Variants in ATP1B3 observed in about 807,000 individuals in gnomAD.
ATP1B3 encodes the protein ATPase Na+/K+ transporting subunit beta 3.
Under a neutral mutation model 30.2 loss-of-function variants are expected in ATP1B3, and 10 were observed. The observed-to-expected ratio is 0.33, with a 90% CI of 0.20 to 0.56. The LOEUF (loss-of-function observed/expected upper bound fraction) is 0.56. ATP1B3 is among the 20% of genes least tolerant of loss of function. The pLI is 0.90. For synonymous variants in ATP1B3, 113 were observed against 117.0 expected (o/e 0.97, Z 0.22); for missense variants, 238 against 336.7 (o/e 0.71, Z 2.29).
chr3:141,879,684 CAGG>C (rs981443985), intron 1 of ATP1B3, among the ~76,000 whole-genome samples: 33 of 149,472 alleles, frequency 2.2e-4, no homozygotes, highest in African/African-American at 8.2e-4. Context: ...GAGGCTGAGG[CAGG>C]AGAATTGCAT....
chr3:141,896,033 G>A (rs773400793), intron 1 of ATP1B3, among the ~76,000 whole-genome samples: 39 of 152,082 alleles, frequency 2.6e-4, no homozygotes, highest in Non-Finnish European at 5.3e-4. Flanking sequence ...TGAAGTTTCG[G>A]TTCAGATCTT....
intron 1 of ATP1B3, among the ~76,000 whole-genome samples, chr3:141,898,113 G>T (rs1223115562): frequency 6.6e-6 from 1 of 152,110 alleles, no homozygotes; most frequent in Admixed American, 6.6e-5. Flanking sequence ...AACTCAAAAT[G>T]GATCAAAGAC....
chr3:141,885,868 C>G (rs888438562), intron 1 of ATP1B3, among the ~76,000 whole-genome samples: 1 of 147,648 alleles, frequency 6.8e-6, no homozygotes, highest in Non-Finnish European at 1.5e-5. Context: ...CAGCTTTTAT[C>G]TGCTGCGTTA....
chr3:141,883,454 G>A (rs1933771174), intron 1 of ATP1B3, among the ~76,000 whole-genome samples: 1 of 152,144 alleles, frequency 6.6e-6, no homozygotes, highest in Admixed American at 6.5e-5. Flanking sequence ...GGAGGTCGAG[G>A]CTACAATGAG....
intron 1 of ATP1B3, among the ~76,000 whole-genome samples, chr3:141,896,218 T>C (rs935258208): frequency 6.6e-6 from 1 of 151,702 alleles, no homozygotes; most frequent in African/African-American, 2.4e-5. Context: ...CCTGTAATTC[T>C]AGTACTTTGG....
chr3:141,882,852 C>T (rs1365234145), intron 1 of ATP1B3, among the ~76,000 whole-genome samples: 3 of 152,168 alleles, frequency 2.0e-5, no homozygotes, highest in East Asian at 1.9e-4. Context: ...TCCCAAAGTA[C>T]TGGGATTACA....
At chr3:141,908,887 G>C (rs188743532) in intron 3 of ATP1B3, among the ~76,000 whole-genome samples, 33 of 152,308 alleles carry the variant, frequency 2.2e-4, no homozygotes, top group African/African-American at 7.9e-4. Context: ...TACAATGGCA[G>C]CCATTTTGTC....
chr3:141,907,641 C>CA (rs146369392), intron 3 of ATP1B3, among the ~76,000 whole-genome samples: 159 of 131,552 alleles, frequency 1.2e-3, no homozygotes, highest in Middle Eastern at 0.012. Flanking sequence ...AACTCCGTCT[C>CA]AAAAAAAAAA....
chr3:141,880,526 T>C (rs1004002129), intron 1 of ATP1B3, among the ~76,000 whole-genome samples: 2 of 152,106 alleles, frequency 1.3e-5, no homozygotes, highest in Non-Finnish European at 1.5e-5. Flanking sequence ...TTGAATACAA[T>C]TAGAGTCAAA....
At chr3:141,922,173 C>T (rs3765155) in intron 6 of ATP1B3, 110 bp downstream of exon 6, 6 of 619,600 alleles carry the variant, frequency 9.7e-6, no homozygotes, top group South Asian at 3.9e-5. Context: ...TTAATTTGTG[C>T]GTCATCTATT....
At chr3:141,907,466 AC>A (rs370998500) in intron 3 of ATP1B3, among the ~76,000 whole-genome samples, 192 bp downstream of exon 3, 3,774 of 152,104 alleles carry the variant, frequency 0.025, 180 homozygotes, top group African/African-American at 0.086. Context: ...ACATGGTGAA[AC>A]CCCATCTCTA....
At chr3:141,907,424 G>A (rs1249098168) in intron 3 of ATP1B3, 150 bp downstream of exon 3, 3 of 506,246 alleles carry the variant, frequency 5.9e-6, no homozygotes, top group Admixed American at 7.8e-5. Flanking sequence ...GCCAGGTCTT[G>A]GACCTGGCCA....
At chr3:141,895,263 G>T (rs1315729540) in intron 1 of ATP1B3, among the ~76,000 whole-genome samples, 2 of 147,130 alleles carry the variant, frequency 1.4e-5, no homozygotes, top group African/African-American at 2.5e-5. Flanking sequence ...ATCTCAGCTC[G>T]CTGCAACCTC....
intron 2 of ATP1B3, among the ~76,000 whole-genome samples, chr3:141,906,647 A>C (rs1322180090): frequency 6.6e-6 from 1 of 152,266 alleles, no homozygotes; most frequent in Admixed American, 6.5e-5. Context: ...TGAAAACCAC[A>C]TTTTAATTAC....
chr3:141,908,471 G>C (rs1187812896), intron 3 of ATP1B3, among the ~76,000 whole-genome samples: 3 of 151,974 alleles, frequency 2.0e-5, no homozygotes, highest in Non-Finnish European at 4.4e-5. Context: ...TTCCATGGTT[G>C]TTATTTCATT....
In ATP1B3 at chr3:141,907,791, CAG is replaced by C. The variant is rs113469970; in HGVS notation, c.346+518_346+519del. Among the ~76,000 whole-genome samples, 937 of 152,254 alleles carry C rather than the reference CAG, an allele frequency of 6.2e-3. 9 individuals carry two copies. The highest frequency in any genetic ancestry group is 0.021 in the African/African-American group (881 of 41,536). Reference sequence around the variant, plus strand: ...AGACTGTTCTAACTATAGAAAGACACAGGGGCTTACTCATGGGTAGTAGATTT... The same window carrying C: ...AGACTGTTCTAACTATAGAAAGACACGGGCTTACTCATGGGTAGTAGATTT... On this transcript the variant is annotated intron_variant, in intron 3 of 6. Transcript: ENST00000286371.
chr3:141,925,740 T>A lies in ATP1B3; in HGVS notation c.*39T>A, dbSNP rs1934647387. The A allele has an allele frequency of 1.9e-6, 3 of 1,581,680 alleles. No homozygotes were observed. The African/African-American group carries it at 4.0e-5, about 21-fold the overall frequency. On this transcript the variant is annotated 3_prime_UTR_variant, in exon 7 of 7. Transcript: ENST00000286371. ...TCTCCACAGAGTAAATGTTGTGTTG[T>A]CTGTCTTCATTTTGTAACAGCTGGA...
At chr3:141,907,884 CTA>C (rs1486722042) in intron 3 of ATP1B3, among the ~76,000 whole-genome samples, 1 of 151,918 alleles carries the variant, frequency 6.6e-6, no homozygotes, top group African/African-American at 2.4e-5. Context: ...TGCATTAAAA[CTA>C]AATATTTTAA....
chr3:141,900,314 A>G (rs1341442822), intron 1 of ATP1B3, among the ~76,000 whole-genome samples: 3 of 152,118 alleles, frequency 2.0e-5, no homozygotes, highest in South Asian at 2.1e-4. Flanking sequence ...TCATACCTAC[A>G]TAATGAAACC....
Sources: gnomAD v4.1 joint callset for allele counts (sites outside exome capture counted in the v4.1 genomes callset) on GRCh38, gnomAD v4.1.1 for gene constraint, MANE v1.5 for transcripts, NCBI Gene and HGNC (gene_info 2026-07-23, HGNC 2026-07-21) for gene names.